The following TMTC1 variants were observed in gnomAD, a reference collection of about 807,000 sequenced individuals.
TMTC1 encodes protein O-mannosyl-transferase TMTC1.
A neutral mutation model predicts 104.8 loss-of-function variants in TMTC1; 73 were observed. That is an observed-to-expected ratio of 0.70 (90% CI 0.58 to 0.85). The LOEUF (loss-of-function observed/expected upper bound fraction) is 0.85. TMTC1 is among the 40% of genes least tolerant of loss of function. TMTC1 has a pLI of 0.00. For missense variants in TMTC1, 1,035 were observed against 1,096.1 expected (o/e 0.94, Z 0.79); for synonymous variants, 434 against 428.7 (o/e 1.01, Z -0.15).
chr12:29,605,339 A>T (rs2136406120), intron 6 of TMTC1, among the ~76,000 whole-genome samples: 1 of 152,194 alleles, frequency 6.6e-6, no homozygotes, highest in South Asian at 2.1e-4. Context: ...ACATCTTGGG[A>T]TACTTGTCAC....
intron 1 of TMTC1, among the ~76,000 whole-genome samples, chr12:29,776,902 G>GT (rs1943722252): frequency 1.3e-5 from 2 of 152,224 alleles, no homozygotes; most frequent in South Asian, 4.1e-4. Context: ...GTAGCAGTGG[G>GT]TTTGGCCTGT....
At chr12:29,559,902 C>T (rs1945336929) in intron 9 of TMTC1, among the ~76,000 whole-genome samples, 1 of 152,050 alleles carries the variant, frequency 6.6e-6, no homozygotes, top group Non-Finnish European at 1.5e-5. Context: ...TCTTAACAAC[C>T]AGGTCAGGAA....
chr12:29,648,768 T>C (rs965899102), intron 5 of TMTC1, among the ~76,000 whole-genome samples: 1 of 152,226 alleles, frequency 6.6e-6, no homozygotes, highest in Non-Finnish European at 1.5e-5. Flanking sequence ...GATGAATTAG[T>C]TTCGGAAATA....
intron 6 of TMTC1, chr12:29,613,892 A>T (rs1374019261): frequency 2.1e-6 from 2 of 954,890 alleles, no homozygotes; most frequent in Non-Finnish European, 2.5e-6. Flanking sequence ...ACTTTTTCAC[A>T]AAGCAAGTCA....
intron 6 of TMTC1, among the ~76,000 whole-genome samples, chr12:29,617,686 G>A (rs1273556831): frequency 6.6e-6 from 1 of 152,072 alleles, no homozygotes; most frequent in African/African-American, 2.4e-5. Flanking sequence ...GAAATGGAGA[G>A]CAATTCTAAA....
intron 5 of TMTC1, among the ~76,000 whole-genome samples, chr12:29,720,282 A>T (rs1015438263): frequency 6.6e-6 from 1 of 152,178 alleles, no homozygotes; most frequent in African/African-American, 2.4e-5. Context: ...AGCATATTCC[A>T]TAATCAGTGG....
intron 5 of TMTC1, among the ~76,000 whole-genome samples, chr12:29,687,094 G>C (rs147087451): frequency 1.3e-5 from 2 of 152,088 alleles, no homozygotes; most frequent in Admixed American, 1.3e-4. Flanking sequence ...ACAATAATAC[G>C]CAAGAAAATA....
intron 10 of TMTC1, among the ~76,000 whole-genome samples, chr12:29,548,294 G>C (rs1944995452): frequency 6.6e-6 from 1 of 152,182 alleles, no homozygotes; most frequent in Non-Finnish European, 1.5e-5. Context: ...TGGAGCAAAT[G>C]AATCTTTCCC....
At chr12:29,604,422 C>A in intron 6 of TMTC1, 123 bp from the exon 7 acceptor site, 1 of 1,337,518 alleles carries the variant, frequency 7.5e-7, no homozygotes, top group Middle Eastern at 2.4e-4. Context: ...CCAATATAAA[C>A]CTTTTGACCG....
At chr12:29,736,907 T>A (rs960507357) in intron 5 of TMTC1, among the ~76,000 whole-genome samples, 1 of 152,156 alleles carries the variant, frequency 6.6e-6, no homozygotes, top group Non-Finnish European at 1.5e-5. Flanking sequence ...GTCTCAGAAA[T>A]GCCACACGTA....
At chr12:29,648,616 T>C (rs1939379171) in intron 5 of TMTC1, among the ~76,000 whole-genome samples, 1 of 152,108 alleles carries the variant, frequency 6.6e-6, no homozygotes, top group South Asian at 2.1e-4. Context: ...CAGCCACTCA[T>C]CCTTCTAGCT....
chr12:29,755,824 G>A lies in TMTC1; in HGVS notation c.616C>T (p.Leu206=). Residue 206 remains leucine (L), a synonymous_variant, in exon 4 of 18, where the codon CTG becomes TTG. Coordinates refer to ENST00000539277, the MANE Select transcript of TMTC1 (RefSeq NM_001193451.2). ...CAGGTCCCCAGAAACAAACTGAGCA[G>A]CAAGAAGAAGGGAGACACCGTGGAA... ...FPSTVSPFFL[L]LSLFLGTCAM... 6.2e-7 allele frequency: 1 copy of A among 1,614,150 alleles called. No homozygotes were observed. The highest frequency in any genetic ancestry group is 8.5e-7 in the Non-Finnish European group (1 of 1,180,006).
intron 8 of TMTC1, among the ~76,000 whole-genome samples, chr12:29,577,701 T>A (rs1945863080): frequency 6.6e-6 from 1 of 152,134 alleles, no homozygotes; most frequent in South Asian, 2.1e-4. Flanking sequence ...CTGTATAGAT[T>A]GTGGATAGTT....
At chr12:29,627,291 G>T (rs1408178483) in intron 6 of TMTC1, among the ~76,000 whole-genome samples, 1 of 151,970 alleles carries the variant, frequency 6.6e-6, no homozygotes, top group Non-Finnish European at 1.5e-5. Flanking sequence ...TAAAAAATGG[G>T]CAAAGACCTA....
At chr12:29,581,181 T>G (rs1274634737) in intron 8 of TMTC1, among the ~76,000 whole-genome samples, 1 of 152,222 alleles carries the variant, frequency 6.6e-6, no homozygotes, top group Non-Finnish European at 1.5e-5. Flanking sequence ...CTAACCTTAA[T>G]GTGCCTCATA....
At chr12:29,698,841 G>T (rs1168719251) in intron 5 of TMTC1, among the ~76,000 whole-genome samples, 1 of 152,174 alleles carries the variant, frequency 6.6e-6, no homozygotes, top group Non-Finnish European at 1.5e-5. Context: ...CAAAGTCAAG[G>T]GAGAAATGGG....
chr12:29,571,908 G>T (rs548451863), intron 9 of TMTC1, among the ~76,000 whole-genome samples, 197 bp downstream of exon 9: 17 of 152,318 alleles, frequency 1.1e-4, no homozygotes, highest in African/African-American at 3.8e-4. Flanking sequence ...TTACACGCAA[G>T]GTAGAGTTAT....
chr12:29,673,545 T>C (rs12297367), intron 5 of TMTC1, among the ~76,000 whole-genome samples: 348 of 152,108 alleles, frequency 2.3e-3, no homozygotes, highest in African/African-American at 8.1e-3. Flanking sequence ...AAAGCCCAAG[T>C]AGGAAAGTTG....
chr12:29,516,295 CACCCCATGTTTA>C, intron 15 of TMTC1, 42 bp downstream of exon 15: 1 of 1,562,426 alleles, frequency 6.4e-7, no homozygotes, highest in East Asian at 2.3e-5. Flanking sequence ...CACTTAGGTG[CACCCCATGTTTA>C]ACCTATGAAT....
Sources: gnomAD v4.1 joint callset for allele counts (sites outside exome capture counted in the v4.1 genomes callset) on GRCh38, gnomAD v4.1.1 for gene constraint, MANE v1.5 for transcripts, NCBI Gene and HGNC (gene_info 2026-07-23, HGNC 2026-07-21) for gene names.